Variants in CIBAR1 observed in about 807,000 individuals in gnomAD.
CIBAR1 encodes the protein CBY1-interacting BAR domain-containing protein 1.
A neutral mutation model predicts 44.0 loss-of-function variants in CIBAR1; 25 were observed. The observed-to-expected ratio is 0.57, with a 90% CI of 0.41 to 0.79. CIBAR1 has a LOEUF of 0.79. CIBAR1 is among the 30% of genes least tolerant of loss of function. The probability of loss-of-function intolerance (pLI) is 0.00; values close to 1 mark genes in which losing one functional copy is unlikely to be tolerated. For missense variants in CIBAR1, 278 were observed against 344.8 expected (o/e 0.81, Z 1.53); for synonymous variants, 115 against 119.0 (o/e 0.97, Z 0.22).
At chr8:93,712,222 CT>C (rs1168722636) in intron 6 of CIBAR1, among the ~76,000 whole-genome samples, 1 of 152,198 alleles carries the variant, frequency 6.6e-6, no homozygotes, top group African/African-American at 2.4e-5. Context: ...TTTTGCCCCC[CT>C]GCCTGCCTCC....
chr8:93,728,808 GT>G lies in CIBAR1; in HGVS notation c.*512del, dbSNP rs893439568. On this transcript the variant is annotated 3_prime_UTR_variant, in exon 9 of 9. Transcript: ENST00000518322. ...TTTTCAAGAAGAGTATAACCAAAGA[GT>G]AAAGATAATGTGACACTAAGTTATC... The G allele has an allele frequency of 1.3e-5, 2 of 151,998 alleles. No individual in the cohort carries two copies. Among genetic ancestry groups the G allele is most frequent in the African/African-American group, 4.8e-5 (2 of 41,420 alleles). 9.4% of individuals were successfully genotyped at this position (151,998 alleles called of 1,614,324 possible).
intron 7 of CIBAR1, among the ~76,000 whole-genome samples, chr8:93,722,647 TGA>T (rs1214610703): frequency 2.6e-5 from 4 of 151,812 alleles, no homozygotes; most frequent in South Asian, 2.1e-4. Flanking sequence ...TGCAGTGAGC[TGA>T]GAGTGTGCCA....
intron 8 of CIBAR1, chr8:93,727,157 A>C: frequency 1.6e-6 from 2 of 1,288,276 alleles, no homozygotes; most frequent in Middle Eastern, 4.3e-4. Flanking sequence ...CAACTTGCCA[A>C]ACCCTGATCT....
At chr8:93,704,678 T>G (rs771620010) in intron 3 of CIBAR1, among the ~76,000 whole-genome samples, 1 of 152,224 alleles carries the variant, frequency 6.6e-6, no homozygotes, top group African/African-American at 2.4e-5. Context: ...TCTATTATGG[T>G]TAATAGTTTT....
chr8:93,708,430 T>C (rs1328721602), intron 5 of CIBAR1, among the ~76,000 whole-genome samples: 1 of 152,202 alleles, frequency 6.6e-6, no homozygotes, highest in African/African-American at 2.4e-5. Context: ...ATTCTTGAAA[T>C]ACAACTAGAG....
At chr8:93,726,220 T>G (rs1039840047) in intron 7 of CIBAR1, among the ~76,000 whole-genome samples, 174 bp from the exon 8 acceptor site, 1 of 152,214 alleles carries the variant, frequency 6.6e-6, no homozygotes, top group African/African-American at 2.4e-5. Context: ...ATTTTTAGCT[T>G]TCATCTTTCT....
chr8:93,707,843 A>G (rs1368630151), intron 4 of CIBAR1, among the ~76,000 whole-genome samples, 168 bp from the exon 5 acceptor site: 2 of 152,188 alleles, frequency 1.3e-5, no homozygotes, highest in Non-Finnish European at 2.9e-5. Flanking sequence ...TATCTTGAAA[A>G]TGTGTAGTTG....
chr8:93,729,955 C>G lies in CIBAR1; in HGVS notation c.*1658C>G, dbSNP rs1811723238. On this transcript the variant is annotated 3_prime_UTR_variant, in exon 9 of 9. Coordinates refer to ENST00000518322, the MANE Select transcript of CIBAR1 (RefSeq NM_145269.5). ...CAGAAGTATTTAAGACTTTGGATTT[C>G]TTCAGATTTTGGAGTATTTGCATTA... 6.6e-6 allele frequency: 1 copy of G among 152,176 alleles called. No individual in the cohort carries two copies. The highest frequency in any genetic ancestry group is 1.5e-5 in the Non-Finnish European group (1 of 68,012). The allele number at this position is 152,176 out of a possible 1,614,324, so 9.4% of individuals were successfully genotyped here.
rs778514678 is a variant in CIBAR1, at chr8:93,709,757, G to T, written c.439-14G>T. On this transcript the variant is annotated splice_polypyrimidine_tract_variant and intron_variant, in intron 5 of 8. Coordinates refer to ENST00000518322, the MANE Select transcript of CIBAR1 (RefSeq NM_145269.5). Reference sequence around the variant, plus strand: ...GATTTTTTTTATATCCTTGGTTGGGGAATACTTTTGTAGGCAGAAACGGAA... The same window carrying T: ...GATTTTTTTTATATCCTTGGTTGGGTAATACTTTTGTAGGCAGAAACGGAA... 18 of 1,607,364 alleles carry T rather than the reference G, an allele frequency of 1.1e-5. No homozygotes were observed. Among genetic ancestry groups the T allele is most frequent in the Non-Finnish European group, 1.4e-5 (17 of 1,175,190 alleles).
chr8:93,711,720 A>G (rs758942425), intron 6 of CIBAR1, among the ~76,000 whole-genome samples: 1 of 152,170 alleles, frequency 6.6e-6, no homozygotes, highest in Non-Finnish European at 1.5e-5. Context: ...AGTGATGGGA[A>G]ACTGATTCCT....
At chr8:93,727,874 T>C (rs1279527115) in intron 8 of CIBAR1, among the ~76,000 whole-genome samples, 1 of 152,196 alleles carries the variant, frequency 6.6e-6, no homozygotes. Flanking sequence ...CCATCCATTT[T>C]ATGATTCTCA....
intron 7 of CIBAR1, among the ~76,000 whole-genome samples, chr8:93,723,484 G>C (rs1811351903): frequency 6.6e-6 from 1 of 151,968 alleles, no homozygotes; most frequent in Admixed American, 6.5e-5. Flanking sequence ...GGAATGTGTA[G>C]CCACCCCCTA....
intron 5 of CIBAR1, 65 bp downstream of exon 5, chr8:93,708,081 T>G: frequency 8.0e-7 from 1 of 1,252,468 alleles, no homozygotes; most frequent in Non-Finnish European, 1.1e-6. Context: ...TTGTTTCAAT[T>G]TATACATTTT....
chr8:93,718,064 T>G (rs1811101117), intron 6 of CIBAR1, among the ~76,000 whole-genome samples: 1 of 152,206 alleles, frequency 6.6e-6, no homozygotes, highest in African/African-American at 2.4e-5. Flanking sequence ...AGCTATAACC[T>G]TGTAGCCTTA....
In CIBAR1 at chr8:93,728,994, T is replaced by C. The variant is rs569235767; in HGVS notation, c.*697T>C. 57 of 152,228 alleles carry C rather than the reference T, an allele frequency of 3.7e-4. No individual in the cohort carries two copies. The highest frequency in any genetic ancestry group is 6.8e-3 in the Middle Eastern group (2 of 294). 9.4% of individuals were successfully genotyped at this position (152,228 alleles called of 1,614,324 possible). A position where few individuals can be genotyped will look rare whatever the true frequency, so the allele number is the denominator to read the frequency against. ...AATGTTGCCTCATCATAGAACACCA[T>C]AGATCATTAAAAATTCTATAAAAAT... On this transcript the variant is annotated 3_prime_UTR_variant, in exon 9 of 9. Transcript: ENST00000518322.
chr8:93,717,897 T>G (rs1164683967), intron 6 of CIBAR1, among the ~76,000 whole-genome samples: 1 of 152,210 alleles, frequency 6.6e-6, no homozygotes. Context: ...TAGATCAACA[T>G]GCACATCTTC....
At position 93,730,374 on chromosome 8, in the gene CIBAR1, T is replaced by G. The variant is rs970727312; in HGVS notation, c.*2077T>G. ...CCTATCTCTTGGTTGTGGGATTGAC[T>G]TTCTAGACATGATCTACATTTTTTT... is the stretch of plus-strand genomic sequence containing the variant. On this transcript the variant is annotated 3_prime_UTR_variant, in exon 9 of 9. Coordinates refer to ENST00000518322, the MANE Select transcript of CIBAR1 (RefSeq NM_145269.5). The G allele has an allele frequency of 6.6e-6, 1 of 152,212 alleles. No individual in the cohort carries two copies. Among genetic ancestry groups the G allele is most frequent in the Non-Finnish European group, 1.5e-5 (1 of 68,036 alleles). 9.4% of individuals were successfully genotyped at this position (152,212 alleles called of 1,614,324 possible). A position where few individuals can be genotyped will look rare whatever the true frequency, so the allele number is the denominator to read the frequency against.
chr8:93,701,590 C>G, intron 2 of CIBAR1, 132 bp downstream of exon 2: 1 of 738,280 alleles, frequency 1.4e-6, no homozygotes. Flanking sequence ...CGTACATTTT[C>G]ATAAGACTGT....
intron 4 of CIBAR1, chr8:93,707,259 T>C (rs1360224791): frequency 4.7e-6 from 2 of 427,334 alleles, no homozygotes; most frequent in Non-Finnish European, 9.3e-6. Flanking sequence ...TTCTCTTTGC[T>C]AAAAATGGAT....
Sources: gnomAD v4.1 joint callset for allele counts (sites outside exome capture counted in the v4.1 genomes callset) on GRCh38, gnomAD v4.1.1 for gene constraint, MANE v1.5 for transcripts, NCBI Gene and HGNC (gene_info 2026-07-23, HGNC 2026-07-21) for gene names.